MMP26: variants seen among roughly 807,000 people sequenced by gnomAD.
The protein encoded by MMP26 is matrix metallopeptidase 26, also known as matrix metalloproteinase-26.
MMP26 carries 33 observed loss-of-function variants against 31.0 expected under a neutral mutation model. The observed-to-expected ratio is 1.06, with a 90% CI of 0.81 to 1.42. The LOEUF (loss-of-function observed/expected upper bound fraction) is 1.42, where lower values mean the gene tolerates loss of function less well. MMP26 is among the 40% of genes most tolerant of loss of function. The pLI, the probability that MMP26 is intolerant of heterozygous loss-of-function variation, is 0.00. For synonymous variants in MMP26, 122 were observed against 114.9 expected, an observed-to-expected ratio of 1.06 and a Z score of -0.40; for missense variants, 347 against 316.1, an observed-to-expected ratio of 1.10 and a Z score of -0.74.
intron 2 of MMP26, among the ~76,000 whole-genome samples, chr11:4,856,603 A>G (rs1850057217): frequency 6.6e-6 from 1 of 152,136 alleles, no homozygotes; most frequent in Non-Finnish European, 1.5e-5. Flanking sequence ...AGAGACTTAG[A>G]CTCCCACACA....
chr11:4,928,014 C>G (rs911348620), intron 2 of MMP26, among the ~76,000 whole-genome samples: 4 of 151,648 alleles, frequency 2.6e-5, no homozygotes, highest in Admixed American at 2.6e-4. Flanking sequence ...AAGACCTAGC[C>G]AGGCCTGAAG....
At chr11:4,812,980 T>C (rs191267127) in intron 2 of MMP26, among the ~76,000 whole-genome samples, 100 of 150,818 alleles carry the variant, frequency 6.6e-4, no homozygotes, top group African/African-American at 2.4e-3. Context: ...TATATATTTA[T>C]ATGTATGTAT....
intron 5 of MMP26, among the ~76,000 whole-genome samples, chr11:4,991,077 C>G (rs892072876): frequency 6.6e-6 from 1 of 152,186 alleles, no homozygotes; most frequent in Non-Finnish European, 1.5e-5. Flanking sequence ...TTTAAATTCT[C>G]TTTCCCTTTT....
chr11:4,799,005 C>G (rs1589903889), intron 2 of MMP26, among the ~76,000 whole-genome samples: 1 of 152,200 alleles, frequency 6.6e-6, no homozygotes, highest in Admixed American at 6.5e-5. Context: ...TTTTGTCTGG[C>G]CTTTTCTTAG....
chr11:4,835,187 CTT>C (rs1417120424), intron 2 of MMP26, among the ~76,000 whole-genome samples: 14 of 147,130 alleles, frequency 9.5e-5, no homozygotes, highest in Admixed American at 7.0e-5. Context: ...CTCTCTCTCT[CTT>C]CCTCTCTCTT....
At chr11:4,911,856 A>G (rs976296137) in intron 2 of MMP26, among the ~76,000 whole-genome samples, 6 of 152,164 alleles carry the variant, frequency 3.9e-5, no homozygotes, top group African/African-American at 1.4e-4. Context: ...GTAAGTCAGG[A>G]GAACAGGTTT....
At chr11:4,816,697 CTTTTT>C (rs747753151) in intron 2 of MMP26, among the ~76,000 whole-genome samples, 2 of 79,392 alleles carry the variant, frequency 2.5e-5, no homozygotes, top group Non-Finnish European at 4.8e-5. Flanking sequence ...TGGGTGCCTT[CTTTTT>C]TTTTTTTTTT....
In MMP26 at chr11:4,825,684, G is replaced by A. The variant is rs533388277; in HGVS notation, c.-145+58343G>A. 4.5e-4 allele frequency among the ~76,000 whole-genome samples: 68 copies of A among 152,246 alleles called. 1 individual carries two copies. The highest frequency in any genetic ancestry group is 1.6e-3 in the African/African-American group (68 of 41,554). ...GAACTTCATCCAGTCAATCACAAAT[G>A]AGTGTGTTAGTAATTGTGATGCCAT... On this transcript the variant is annotated intron_variant, in intron 2 of 7. Coordinates refer to ENST00000380390, the MANE Select transcript of MMP26 (RefSeq NM_021801.5).
chr11:4,754,141 T>A (rs2133303424), intron 1 of MMP26, among the ~76,000 whole-genome samples: 1 of 151,396 alleles, frequency 6.6e-6, no homozygotes, highest in African/African-American at 2.4e-5. Context: ...AGTTTGAAAG[T>A]TTGGATAAAT....
In MMP26 at chr11:4,990,584, A is replaced by T; in HGVS notation, c.321-14A>T. ...TTCCTCTGAACTATTTCATTTAGAG[A>T]TTGCTTTCCTCAGGATTATCAATTA... On this transcript the variant is annotated splice_polypyrimidine_tract_variant and intron_variant, in intron 4 of 7. Coordinates refer to ENST00000380390, the MANE Select transcript of MMP26 (RefSeq NM_021801.5). 6.2e-7 allele frequency: 1 copy of T among 1,606,746 alleles called. No individual in the cohort carries two copies. Among genetic ancestry groups the T allele is most frequent in the Non-Finnish European group, 8.5e-7 (1 of 1,175,192 alleles).
At chr11:4,789,996 T>A (rs1281761845) in intron 2 of MMP26, among the ~76,000 whole-genome samples, 2 of 152,192 alleles carry the variant, frequency 1.3e-5, no homozygotes, top group Non-Finnish European at 2.9e-5. Flanking sequence ...GCATTTGATA[T>A]TTAAATAGAT....
At chr11:4,896,004 G>A (rs1850696335) in intron 2 of MMP26, among the ~76,000 whole-genome samples, 1 of 152,142 alleles carries the variant, frequency 6.6e-6, no homozygotes, top group South Asian at 2.1e-4. Context: ...GTCTGGCAAA[G>A]ATAACTCCAA....
intron 2 of MMP26, among the ~76,000 whole-genome samples, chr11:4,775,584 G>C (rs1257829824): frequency 1.3e-5 from 2 of 152,090 alleles, no homozygotes; most frequent in African/African-American, 4.8e-5. Context: ...AATTTGTAAA[G>C]AAACAGAGGT....
chr11:4,718,948 G>T, intron 1 of MMP26: 1 of 197,860 alleles, frequency 5.1e-6, no homozygotes, highest in Non-Finnish European at 1.0e-5. Context: ...CACTGTCATG[G>T]AATCTTCAGT....
chr11:4,800,699 T>C (rs1849168612), intron 2 of MMP26, among the ~76,000 whole-genome samples: 1 of 152,212 alleles, frequency 6.6e-6, no homozygotes, highest in Non-Finnish European at 1.5e-5. Context: ...TTGTGACTTT[T>C]CCAAATGTTT....
intron 1 of MMP26, among the ~76,000 whole-genome samples, chr11:4,754,440 T>C (rs1848482684): frequency 1.3e-5 from 2 of 152,030 alleles, no homozygotes; most frequent in Non-Finnish European, 2.9e-5. Flanking sequence ...ATTAGATTAC[T>C]GAAACTTATT....
chr11:4,887,982 C>A (rs1850566499), intron 2 of MMP26, among the ~76,000 whole-genome samples: 1 of 152,016 alleles, frequency 6.6e-6, no homozygotes, highest in Non-Finnish European at 1.5e-5. Context: ...GATCAACTAT[C>A]AGACAATAAG....
At chr11:4,939,411 G>A (rs969089786) in intron 2 of MMP26, among the ~76,000 whole-genome samples, 8 of 152,016 alleles carry the variant, frequency 5.3e-5, no homozygotes, top group Non-Finnish European at 7.4e-5. Flanking sequence ...CTCCTCAGAC[G>A]GCAAAATGTA....
chr11:4,745,454 A>T (rs940988621), intron 1 of MMP26, among the ~76,000 whole-genome samples: 7 of 152,182 alleles, frequency 4.6e-5, no homozygotes, highest in African/African-American at 1.7e-4. Context: ...ACTTTGTTAG[A>T]TAAGTTTTAG....
Sources: allele counts gnomAD v4.1 joint callset (sites outside exome capture counted in the v4.1 genomes callset), GRCh38; gene constraint gnomAD v4.1.1; transcripts MANE v1.5; gene names NCBI Gene and HGNC (gene_info 2026-07-23, HGNC 2026-07-21).